Variants in TBC1D9B observed in about 807,000 individuals in gnomAD.
TBC1D9B encodes the protein TBC1 domain family, member 9B (with GRAM domain).
TBC1D9B carries 87 observed loss-of-function variants against 121.1 expected under a neutral mutation model. That is an observed-to-expected ratio of 0.72 (90% CI 0.60 to 0.86). The LOEUF (loss-of-function observed/expected upper bound fraction) is 0.86, where lower values mean the gene tolerates loss of function less well. Ranked by LOEUF, TBC1D9B falls within the 40% of genes least tolerant of loss-of-function variation. The pLI, the probability that TBC1D9B is intolerant of heterozygous loss-of-function variation, is 0.00. For synonymous variants in TBC1D9B, 668 were observed against 670.1 expected (o/e 1.00, Z 0.05); for missense variants, 1,540 against 1,628.6 (o/e 0.95, Z 0.94).
At position 179,874,999 on chromosome 5, in the gene TBC1D9B, T is replaced by C; in HGVS notation, c.2089A>G (p.Lys697Glu). 1 of 1,613,984 alleles carries C rather than the reference T, an allele frequency of 6.2e-7. No homozygotes were observed. Among genetic ancestry groups the C allele is most frequent in the Non-Finnish European group, 8.5e-7 (1 of 1,180,040 alleles). The change falls in exon 12 of 21, where the codon AAG becomes GAG. Residue 697 changes from lysine (K) to glutamate (E), a missense_variant. Coordinates refer to ENST00000355235, the MANE Select transcript of TBC1D9B (RefSeq NM_015043.4). The surrounding 1 kb of genome is among the most constrained non-coding windows in gnomAD (Gnocchi z 4.3). ...IVDCFFYEGI[K>E]VILQVALAVL... is the part of the protein sequence containing the mutation. ...GCCAGGGCCACCTGCAGGATCACCT[T>C]GATGCCCTCATAGAAAAAGCAGTCG...
At chr5:179,867,663 C>A in intron 18 of TBC1D9B, 115 bp downstream of exon 18, 1 of 1,520,906 alleles carries the variant, frequency 6.6e-7, no homozygotes, top group Non-Finnish European at 9.0e-7. Context: ...GAACCCCATG[C>A]GGCCTGCTCC....
chr5:179,872,793 A>C (rs1361906451), intron 14 of TBC1D9B, 99 bp downstream of exon 14: 1 of 1,145,598 alleles, frequency 8.7e-7, no homozygotes, highest in Non-Finnish European at 1.3e-6. Flanking sequence ...GCAGTGTAGG[A>C]GACTGGGTGC....
At chr5:179,876,702 G>A (rs983828557) in intron 10 of TBC1D9B, among the ~76,000 whole-genome samples, 10 of 152,280 alleles carry the variant, frequency 6.6e-5, no homozygotes, top group Middle Eastern at 6.8e-3. Flanking sequence ...TGGAGAAATC[G>A]GAACCCTTGT....
At position 179,863,510 on chromosome 5, in the gene TBC1D9B, T is replaced by G. The variant is rs1413375542; in HGVS notation, c.3640A>C (p.Lys1214Gln). Residue 1214 changes from lysine (K) to glutamine (Q), a missense_variant, in exon 21 of 21, where the codon AAG becomes CAG. Coordinates refer to ENST00000355235, the MANE Select transcript of TBC1D9B (RefSeq NM_015043.4). This position sits in a 1 kb window ranked among gnomAD's most constrained non-coding sequence, Gnocchi z 4.5. ...VDIGLKIKDQ[K>Q]KVERQFSTAS... is the part of the protein sequence containing the mutation. ...GTGCTGAACTGTCTCTCCACTTTCT[T>G]TTGGTCCTTGATCTTGAGTCCAATG... The G allele has an allele frequency of 4.3e-6, 7 of 1,614,054 alleles. No individual in the cohort carries two copies. The South Asian group carries it at 7.7e-5, about 18-fold the overall frequency.
intron 17 of TBC1D9B, chr5:179,868,655 T>C (rs1195274349): frequency 6.6e-6 from 1 of 152,244 alleles, no homozygotes; most frequent in African/African-American, 2.4e-5. Flanking sequence ...GCTCTCCCTT[T>C]GGGTAGCTCA....
chr5:179,883,603 T>C (rs1288468405), intron 7 of TBC1D9B, among the ~76,000 whole-genome samples: 2 of 152,222 alleles, frequency 1.3e-5, no homozygotes, highest in African/African-American at 4.8e-5. Flanking sequence ...TAGTCACTTT[T>C]AACCTGAGCT....
chr5:179,891,569 G>A lies in TBC1D9B; in HGVS notation c.854C>T (p.Ala285Val). The A allele has an allele frequency of 6.2e-7, 1 of 1,613,356 alleles. No homozygotes were observed. The highest frequency in any genetic ancestry group is 8.5e-7 in the Non-Finnish European group (1 of 1,179,936). ...CGTGGCTCGGTAGCACTCATTCTTG[G>A]CTCGGGCGTCCAGGTCTCTGGGGAA... Reference protein sequence around the residue: ...SALKRDLDARAKNECYRATFR... With the variant: ...SALKRDLDARVKNECYRATFR... Residue 285 changes from alanine to valine, a missense_variant, in exon 6 of 21, where the codon GCC becomes GTC. Physicochemically the swap from Ala to Val is moderately conservative, Grantham distance 64. Transcript: ENST00000355235. This position sits in a 1 kb window ranked among gnomAD's most constrained non-coding sequence, Gnocchi z 4.3.
Position 179,878,580 on chromosome 5 carries a change from T to C in TBC1D9B, c.1568-57A>G, listed in dbSNP as rs577332736. 3.3e-6 allele frequency: 5 copies of C among 1,518,168 alleles called. No individual in the cohort carries two copies. The African/African-American group carries it at 6.9e-5, about 21-fold the overall frequency. The allele number at this position is 1,518,168 out of a possible 1,614,324, so 94.0% of individuals were successfully genotyped here. ...CCTTCTTCTGGTACTTTGGGGGCAGTAACAGGGCAGGTTGGAGTCACCGGG... is the reference window on the plus strand; with the variant it reads ...CCTTCTTCTGGTACTTTGGGGGCAGCAACAGGGCAGGTTGGAGTCACCGGG... On this transcript the variant is annotated intron_variant, in intron 9 of 20. Coordinates refer to ENST00000355235, the MANE Select transcript of TBC1D9B (RefSeq NM_015043.4).
chr5:179,888,159 T>A lies in TBC1D9B; in HGVS notation c.1198A>T (p.Lys400Ter). ...ISDFLQKTPSKQPGSIGSRKA... is the reference protein window; with the variant it reads ...ISDFLQKTPS The stretch of plus-strand genomic sequence containing the variant: ...CTGCTCCCGATACTGCCTGGCTGCT[T>A]GGATGGTGTTTTCTGGAGGAAGTCA... The change falls in exon 7 of 21, where the codon AAG becomes TAG. Residue 400 changes from lysine to a stop codon, truncating the protein, a stop_gained. Coordinates refer to ENST00000355235, the MANE Select transcript of TBC1D9B (RefSeq NM_015043.4). LOFTEE classifies it high-confidence loss of function. 6.2e-7 allele frequency: 1 copy of A among 1,613,718 alleles called. No homozygotes were observed. Among genetic ancestry groups the A allele is most frequent in the Non-Finnish European group, 8.5e-7 (1 of 1,179,884 alleles).
intron 7 of TBC1D9B, among the ~76,000 whole-genome samples, chr5:179,887,044 G>A (rs567309688): frequency 2.0e-5 from 3 of 152,234 alleles, no homozygotes; most frequent in African/African-American, 7.2e-5. Context: ...ACATGTGGAA[G>A]ACACTAGAAA....
chr5:179,893,086 G>C, intron 5 of TBC1D9B, 123 bp downstream of exon 5: 1 of 1,376,186 alleles, frequency 7.3e-7, no homozygotes, highest in East Asian at 2.4e-5. Flanking sequence ...CCCAAGTGGG[G>C]AGCCCATGAG....
chr5:179,864,720 T>A (rs920902719), intron 20 of TBC1D9B, among the ~76,000 whole-genome samples: 1 of 152,186 alleles, frequency 6.6e-6, no homozygotes, highest in Non-Finnish European at 1.5e-5. Flanking sequence ...GTGGTCAGAT[T>A]GCAGGGTCCC....
chr5:179,888,359 G>A, intron 6 of TBC1D9B, 47 bp from the exon 7 acceptor site: 2 of 1,583,944 alleles, frequency 1.3e-6, no homozygotes, highest in Non-Finnish European at 1.7e-6. Context: ...CTCAGGCCCT[G>A]CAGCTGGGCA....
chr5:179,875,956 G>A lies in TBC1D9B; in HGVS notation c.1864C>T (p.Arg622Cys), dbSNP rs781678500. The A allele has an allele frequency of 7.4e-6, 12 of 1,610,772 alleles. No homozygotes were observed. Among genetic ancestry groups the A allele is most frequent in the South Asian group, 5.5e-5 (5 of 90,374 alleles). ...AFWLLVALCERMLPDYYNTRV... is the reference protein window; with the variant it reads ...AFWLLVALCECMLPDYYNTRV... ...GTGTTGTAGTAGTCGGGCAGCATGC[G>A]CTCGCACAGGGCCACCAGGAGCCAG... The change falls in exon 11 of 21, where the codon CGC becomes TGC. Residue 622 changes from arginine (R) to cysteine (C), a missense_variant. Physicochemically the swap from Arg to Cys is radical, Grantham distance 180. Coordinates refer to ENST00000355235, the MANE Select transcript of TBC1D9B (RefSeq NM_015043.4). This position sits in a 1 kb window ranked among gnomAD's most constrained non-coding sequence, Gnocchi z 4.5.
rs772728242 is a variant in TBC1D9B at position 179,888,279 on chromosome 5, C to G, written c.1078G>C (p.Val360Leu). The G allele has an allele frequency of 6.2e-7, 1 of 1,609,988 alleles. No homozygotes were observed. The highest frequency in any genetic ancestry group is 1.7e-5 in the Admixed American group (1 of 58,272). Residue 360 changes from valine (V) to leucine (L), a missense_variant, in exon 7 of 21, where the codon GTG becomes CTG. By Grantham distance (32) the Val-to-Leu change is conservative. Coordinates refer to ENST00000355235, the MANE Select transcript of TBC1D9B (RefSeq NM_015043.4). ...TIVEKADSSS[V>L]LPSPLSISTK... ...CTGATGGACAGGGGGCTGGGCAGCA[C>G]GCTGGAGCTGTCAGCTTTTTCGACA...
chr5:179,875,980 A>G lies in TBC1D9B; in HGVS notation c.1840T>C (p.Trp614Arg). The change falls in exon 11 of 21, where the codon TGG becomes CGG. Residue 614 changes from tryptophan (W) to arginine (R), a missense_variant. Coordinates refer to ENST00000355235, the MANE Select transcript of TBC1D9B (RefSeq NM_015043.4). This position sits in a 1 kb window ranked among gnomAD's most constrained non-coding sequence, Gnocchi z 4.5. ...CGCTCGCACAGGGCCACCAGGAGCC[A>G]GAAGGCCTCCTCCTCACTGCCATAG... ...LLYGSEEEAF[W>R]LLVALCERML... is the part of the protein sequence containing the mutation. 6.2e-7 allele frequency: 1 copy of G among 1,612,414 alleles called. No individual in the cohort carries two copies. Among genetic ancestry groups the G allele is most frequent in the South Asian group, 1.1e-5 (1 of 90,624 alleles).
intron 7 of TBC1D9B, among the ~76,000 whole-genome samples, chr5:179,884,121 G>A (rs141427799): frequency 0.012 from 1,760 of 152,184 alleles, 105 homozygotes; most frequent in Admixed American, 0.1. Flanking sequence ...CGTATAATAC[G>A]TCAGGCAGCG....
intron 5 of TBC1D9B, among the ~76,000 whole-genome samples, 176 bp downstream of exon 5, chr5:179,893,033 C>G (rs908843599): frequency 2.0e-5 from 3 of 152,270 alleles, no homozygotes; most frequent in African/African-American, 7.2e-5. Flanking sequence ...CTCCTGCTGC[C>G]TCTCCACACG....
intron 4 of TBC1D9B, among the ~76,000 whole-genome samples, chr5:179,893,725 G>A (rs906166078): frequency 1.6e-4 from 23 of 139,990 alleles, no homozygotes; most frequent in African/African-American, 4.5e-4. Flanking sequence ...ACGAACGTGC[G>A]GAGGTGAACC....
Sources: allele counts gnomAD v4.1 joint callset (sites outside exome capture counted in the v4.1 genomes callset), GRCh38; gene constraint gnomAD v4.1.1; non-coding constraint Gnocchi (gnomAD v3.1); transcripts MANE v1.5; gene names NCBI Gene and HGNC (gene_info 2026-07-23, HGNC 2026-07-21).